The following PHF6 variants were observed in gnomAD, a reference collection of about 807,000 sequenced individuals.
PHF6 encodes PHD finger protein 6, also known as PHD-like zinc finger protein.
Under a neutral mutation model 34.0 loss-of-function variants are expected in PHF6, and 7 were observed. The observed-to-expected ratio is 0.21, with a 90% CI of 0.12 to 0.39. The LOEUF is 0.39. Ranked by LOEUF, PHF6 falls within the 10% of genes least tolerant of loss-of-function variation. The probability of loss-of-function intolerance (pLI) is 1.00; values close to 1 mark genes in which losing one functional copy is unlikely to be tolerated. For synonymous variants in PHF6, 89 were observed against 88.4 expected, an observed-to-expected ratio of 1.01 and a Z score of -0.04; for missense variants, 128 against 262.8, an observed-to-expected ratio of 0.49 and a Z score of 3.55.
At chrX:134,392,342 G>A (rs1376797574) in intron 3 of PHF6, among the ~76,000 whole-genome samples, 1 of 111,834 alleles carries the variant, frequency 8.9e-6, no homozygotes, top group Non-Finnish European at 1.9e-5. Flanking sequence ...AATCTATTTT[G>A]GCATGTCATG....
intron 3 of PHF6, among the ~76,000 whole-genome samples, chrX:134,384,738 G>A (rs2077323655): frequency 9.2e-6 from 1 of 108,385 alleles, no homozygotes; most frequent in Admixed American, 9.9e-5. Flanking sequence ...TTCAAGCTCT[G>A]CCTCCTGGGT....
intron 9 of PHF6, among the ~76,000 whole-genome samples, chrX:134,422,696 T>G (rs2077496090): frequency 8.9e-6 from 1 of 111,734 alleles, no homozygotes; most frequent in African/African-American, 3.3e-5. Context: ...TTTATTGTAT[T>G]TTTAACTATT....
rs764694905 is a variant in PHF6 at position 134,379,522 on chromosome X, A to AACC, written c.240+1417_240+1419dup. 2.1e-3 allele frequency among the ~76,000 whole-genome samples: 204 copies of AACC among 97,761 alleles called. 2 individuals carry two copies. The highest frequency in any genetic ancestry group is 7.4e-3 in the African/African-American group (189 of 25,449). 84.9% of individuals were successfully genotyped at this position (97,761 alleles called of 115,157 possible). ...CAGTGGCGCAGTCTCAGCTCACGGT[A>AACC]ACCTCTCTCTACTGGGTTCAAGTGA... On this transcript the variant is annotated intron_variant, in intron 3 of 10. Transcript: ENST00000370803.
At chrX:134,424,608 A>T (rs969004793) in intron 9 of PHF6, among the ~76,000 whole-genome samples, 8 of 112,070 alleles carry the variant, frequency 7.1e-5, no homozygotes, top group African/African-American at 2.6e-4. Context: ...CATCCTAAAA[A>T]GTCAGTGTTG....
rs1161093595 is a variant in PHF6 at position 134,427,327 on chromosome X, T to G, written c.*1667T>G. The G allele has an allele frequency of 1.8e-5, 3 of 162,380 alleles. No homozygotes were observed. Among genetic ancestry groups the G allele is most frequent in the Non-Finnish European group, 3.6e-5 (3 of 83,952 alleles). The allele number at this position is 162,380 out of a possible 1,213,427, so 13.4% of individuals were successfully genotyped here. ...CTAGATGTTTGTTTACCAAGCTATG[T>G]GACTTCTCCCAAAGGATCTGTACTT... On this transcript the variant is annotated 3_prime_UTR_variant, in exon 11 of 11. Transcript: ENST00000370803.
chrX:134,375,804 T>C (rs2077275872), intron 1 of PHF6, among the ~76,000 whole-genome samples: 1 of 112,467 alleles, frequency 8.9e-6, no homozygotes, highest in South Asian at 3.6e-4. Context: ...AGGTATACTC[T>C]TGATAAAGCA....
chrX:134,375,720 CAAAAT>C (rs1239167057), intron 1 of PHF6, among the ~76,000 whole-genome samples: 2 of 111,871 alleles, frequency 1.8e-5, no homozygotes, highest in East Asian at 2.8e-4. Flanking sequence ...ATTTAGAACT[CAAAAT>C]ATAATAGCAA....
chrX:134,419,585 A>G (rs184823485), intron 9 of PHF6: 17 of 111,336 alleles, frequency 1.5e-4, no homozygotes, highest in African/African-American at 4.6e-4. Context: ...CAAATAACTT[A>G]TTTATTATTA....
chrX:134,402,582 C>G (rs190750090), intron 5 of PHF6, among the ~76,000 whole-genome samples: 190 of 111,646 alleles, frequency 1.7e-3, no homozygotes, highest in Non-Finnish European at 2.5e-3. Context: ...AAACCTACCT[C>G]ATAGGATTAT....
rs997863899 is a variant in PHF6 at position 134,413,408 on chromosome X, G to A, written c.419-83G>A. 4 of 1,010,098 alleles carry A rather than the reference G, an allele frequency of 4.0e-6. No individual in the cohort carries two copies. In the African/African-American group the frequency reaches 7.6e-5, roughly 19 times the overall value. 83.2% of individuals were successfully genotyped at this position (1,010,098 alleles called of 1,213,427 possible). On this transcript the variant is annotated intron_variant, in intron 5 of 10. Transcript: ENST00000370803. Reference sequence around the variant, plus strand: ...TTTCTGGAGACAGTTTCATTCTAAGGAGAAACATATGTCCTAAAGACCCAT... The same window carrying A: ...TTTCTGGAGACAGTTTCATTCTAAGAAGAAACATATGTCCTAAAGACCCAT...
At chrX:134,424,366 A>G (rs1471837849) in intron 9 of PHF6, among the ~76,000 whole-genome samples, 6 of 111,841 alleles carry the variant, frequency 5.4e-5, no homozygotes, top group African/African-American at 1.9e-4. Context: ...ATGATCAAAC[A>G]TAGTGTCACC....
intron 3 of PHF6, among the ~76,000 whole-genome samples, chrX:134,388,599 G>A (rs73241337): frequency 0.024 from 2,727 of 111,412 alleles, 43 homozygotes; most frequent in Middle Eastern, 0.042. Flanking sequence ...GGACAATGAA[G>A]CTGGACAAAG....
At chrX:134,411,508 T>G (rs1195478935) in intron 5 of PHF6, among the ~76,000 whole-genome samples, 2 of 110,678 alleles carry the variant, frequency 1.8e-5, no homozygotes, top group Non-Finnish European at 3.8e-5. Context: ...ATGTTATTTA[T>G]TAAACATCTT....
chrX:134,396,571 C>T (rs1205803694), intron 5 of PHF6, among the ~76,000 whole-genome samples: 5 of 111,090 alleles, frequency 4.5e-5, no homozygotes, highest in South Asian at 3.8e-4. Context: ...ATTTGGGATT[C>T]GATGTGTACG....
chrX:134,425,720 T>C lies in PHF6; in HGVS notation c.*60T>C. On this transcript the variant is annotated 3_prime_UTR_variant, in exon 11 of 11. Transcript: ENST00000370803. The stretch of plus-strand genomic sequence containing the variant: ...TAAGACATCCATAACTACTATTCTT[T>C]TTTCACTGTTTTCTAAAATCAAAAA... 5.3e-6 allele frequency: 1 copy of C among 188,831 alleles called. No individual in the cohort carries two copies. The highest frequency in any genetic ancestry group is 1.0e-5 in the Non-Finnish European group (1 of 100,493). 15.6% of individuals were successfully genotyped at this position (188,831 alleles called of 1,213,427 possible).
intron 8 of PHF6, among the ~76,000 whole-genome samples, chrX:134,416,427 T>C (rs2077472737): frequency 9.0e-6 from 1 of 111,419 alleles, no homozygotes; most frequent in Non-Finnish European, 1.9e-5. Context: ...AGGATTGGGG[T>C]AAACACTAAC....
chrX:134,383,216 C>T (rs1325257371), intron 3 of PHF6, among the ~76,000 whole-genome samples: 1 of 108,821 alleles, frequency 9.2e-6, no homozygotes, highest in East Asian at 2.9e-4. Context: ...TCCATCTAGC[C>T]TGGGTGATAA....
At chrX:134,390,801 G>T (rs1351754190) in intron 3 of PHF6, among the ~76,000 whole-genome samples, 2 of 110,147 alleles carry the variant, frequency 1.8e-5, no homozygotes, top group African/African-American at 3.3e-5. Context: ...AACATAGTTG[G>T]GTTCATAATT....
At chrX:134,374,389 C>T (rs1056096889) in intron 1 of PHF6, among the ~76,000 whole-genome samples, 1 of 112,257 alleles carries the variant, frequency 8.9e-6, no homozygotes, top group Middle Eastern at 4.2e-3. Context: ...TGAATAACCG[C>T]AAAAAGCAGT....
Sources: allele counts gnomAD v4.1 joint callset (sites outside exome capture counted in the v4.1 genomes callset), GRCh38; gene constraint gnomAD v4.1.1; transcripts MANE v1.5; gene names NCBI Gene and HGNC (gene_info 2026-07-23, HGNC 2026-07-21).